The following CA5B variants were observed in gnomAD, a reference collection of about 807,000 sequenced individuals.
CA5B encodes carbonic anhydrase 5B, mitochondrial.
Under a neutral mutation model 23.1 loss-of-function variants are expected in CA5B, and 15 were observed. That is an observed-to-expected ratio of 0.65 (90% CI 0.43 to 1.00). The LOEUF (loss-of-function observed/expected upper bound fraction) is 1.00, where lower values mean the gene tolerates loss of function less well. Ranked by LOEUF, CA5B falls within the 50% of genes least tolerant of loss-of-function variation. CA5B has a pLI of 0.00. For missense variants in CA5B, 236 were observed against 252.2 expected (o/e 0.94, Z 0.43); for synonymous variants, 84 against 98.5 (o/e 0.85, Z 0.87).
In CA5B at chrX:15,788,243, G is replaced by A. The variant is rs755371615; in HGVS notation, c.*5579G>A. 1 of 111,774 alleles carries A rather than the reference G, an allele frequency of 8.9e-6. No individual in the cohort carries two copies. Among genetic ancestry groups the A allele is most frequent in the African/African-American group, 3.3e-5 (1 of 30,753 alleles). The allele number at this position is 111,774 out of a possible 1,213,427, so 9.2% of individuals were successfully genotyped here. On this transcript the variant is annotated 3_prime_UTR_variant, in exon 8 of 8. Coordinates refer to ENST00000318636, the MANE Select transcript of CA5B (RefSeq NM_007220.4). ...TACTTGTACTGGAAATGCATACAGC[G>A]CCTCATCCCCTCTTGAGGGGTCAGG... is the stretch of plus-strand genomic sequence containing the variant.
intron 6 of CA5B, chrX:15,775,540 A>G (rs897578998): frequency 9.8e-6 from 9 of 914,475 alleles, no homozygotes; most frequent in African/African-American, 2.0e-5. Context: ...ACTCAGGAAC[A>G]TATTGCTGTC....
intron 2 of CA5B, among the ~76,000 whole-genome samples, chrX:15,752,390 G>A (rs1238078348): frequency 4.5e-5 from 5 of 111,899 alleles, no homozygotes; most frequent in Non-Finnish European, 1.9e-5. Flanking sequence ...TTTTGAAATA[G>A]CCCTGCAAAG....
At chrX:15,752,971 T>C (rs992431662) in intron 2 of CA5B, among the ~76,000 whole-genome samples, 1 of 111,164 alleles carries the variant, frequency 9.0e-6, no homozygotes, top group African/African-American at 3.3e-5. Flanking sequence ...TGTTTAAATT[T>C]ACCTATAGCG....
At chrX:15,767,580 G>C (rs1931734074) in intron 3 of CA5B, among the ~76,000 whole-genome samples, 1 of 107,914 alleles carries the variant, frequency 9.3e-6, no homozygotes, top group Non-Finnish European at 1.9e-5. Context: ...TTTTTTGTTT[G>C]TTTGTTTGTT....
chrX:15,747,781 ACGC>A (rs1931264559), intron 1 of CA5B, among the ~76,000 whole-genome samples: 1 of 111,528 alleles, frequency 9.0e-6, no homozygotes, highest in Non-Finnish European at 1.9e-5. Flanking sequence ...GGTGCTAATG[ACGC>A]GGCTTTGTTT....
At chrX:15,752,936 A>G (rs1931406054) in intron 2 of CA5B, among the ~76,000 whole-genome samples, 1 of 111,601 alleles carries the variant, frequency 9.0e-6, no homozygotes, top group Non-Finnish European at 1.9e-5. Context: ...CTTTAGACAA[A>G]CTCAACCAAT....
chrX:15,752,475 C>G (rs975604331), intron 2 of CA5B, among the ~76,000 whole-genome samples: 2 of 112,198 alleles, frequency 1.8e-5, no homozygotes, highest in African/African-American at 6.5e-5. Flanking sequence ...CCTGTAATCT[C>G]AGCACTTTGC....
intron 7 of CA5B, among the ~76,000 whole-genome samples, chrX:15,780,775 C>T (rs1932007409): frequency 8.9e-6 from 1 of 111,844 alleles, no homozygotes; most frequent in Non-Finnish European, 1.9e-5. Flanking sequence ...CATGTGCAGC[C>T]GCTGTGTGAT....
chrX:15,742,463 T>A (rs1353347127), intron 1 of CA5B, among the ~76,000 whole-genome samples: 1 of 112,424 alleles, frequency 8.9e-6, no homozygotes, highest in Non-Finnish European at 1.9e-5. Context: ...AACCTCCACC[T>A]CCTGGGTTCA....
intron 2 of CA5B, among the ~76,000 whole-genome samples, chrX:15,754,599 A>G (rs1312072877): frequency 5.3e-5 from 6 of 112,588 alleles, no homozygotes; most frequent in African/African-American, 1.9e-4. Context: ...GCCTATACCT[A>G]TTATCCAATG....
At chrX:15,752,736 A>G (rs2147257119) in intron 2 of CA5B, among the ~76,000 whole-genome samples, 1 of 111,233 alleles carries the variant, frequency 9.0e-6, no homozygotes, top group African/African-American at 3.3e-5. Context: ...AAAAAAAAAA[A>G]AATCTCTGTT....
chrX:15,756,196 G>A (rs1317641239), intron 2 of CA5B, among the ~76,000 whole-genome samples: 1 of 112,457 alleles, frequency 8.9e-6, no homozygotes, highest in Non-Finnish European at 1.9e-5. Flanking sequence ...AGATAGATAC[G>A]ATTAGGTGAA....
intron 2 of CA5B, among the ~76,000 whole-genome samples, chrX:15,751,828 C>G (rs777255395): frequency 9.0e-6 from 1 of 111,159 alleles, no homozygotes; most frequent in South Asian, 3.8e-4. Context: ...GCCTTCGAGC[C>G]GGTCCTGTTT....
chrX:15,767,088 G>A, intron 3 of CA5B: 1 of 886,632 alleles, frequency 1.1e-6, no homozygotes, highest in Non-Finnish European at 1.4e-6. Flanking sequence ...AAACTAATGG[G>A]CAGACCCAGT....
chrX:15,769,327 G>A (rs1931774082), intron 3 of CA5B: 1 of 166,941 alleles, frequency 6.0e-6, no homozygotes, highest in Non-Finnish European at 9.8e-6. Flanking sequence ...GTCCTCTCCT[G>A]GGTGTTGTTT....
chrX:15,754,009 G>T (rs1186934988), intron 2 of CA5B, among the ~76,000 whole-genome samples: 1 of 112,556 alleles, frequency 8.9e-6, no homozygotes, highest in Non-Finnish European at 1.9e-5. Context: ...TTGGAGGTAG[G>T]TATTGTATTG....
chrX:15,769,135 A>G (rs1043004516), intron 3 of CA5B, among the ~76,000 whole-genome samples: 2 of 112,147 alleles, frequency 1.8e-5, no homozygotes, highest in Admixed American at 9.5e-5. Flanking sequence ...GCAGAAATCA[A>G]TGAAATCAAA....
chrX:15,748,563 T>C (rs1224568433), intron 1 of CA5B, among the ~76,000 whole-genome samples: 2 of 111,225 alleles, frequency 1.8e-5, no homozygotes, highest in Non-Finnish European at 3.8e-5. Flanking sequence ...CGTTCAAAAA[T>C]GTATATACAC....
chrX:15,767,764 A>G (rs767429309), intron 3 of CA5B, among the ~76,000 whole-genome samples: 1 of 105,436 alleles, frequency 9.5e-6, no homozygotes, highest in African/African-American at 3.5e-5. Flanking sequence ...AATTTTCGGT[A>G]TTTGTAGTAG....
Sources: allele counts gnomAD v4.1 joint callset (sites outside exome capture counted in the v4.1 genomes callset), GRCh38; gene constraint gnomAD v4.1.1; transcripts MANE v1.5; gene names NCBI Gene and HGNC (gene_info 2026-07-23, HGNC 2026-07-21).